TOP3A: variants seen among roughly 807,000 people sequenced by gnomAD.
TOP3A encodes DNA topoisomerase 3-alpha.
A neutral mutation model predicts 111.3 loss-of-function variants in TOP3A; 64 were observed. The ratio of observed to expected loss-of-function variants is 0.57; its 90% confidence interval spans 0.47 to 0.71. The LOEUF (loss-of-function observed/expected upper bound fraction) is 0.71. Among genes scored for constraint, TOP3A ranks in the 30% least tolerant of loss-of-function variants. TOP3A has a pLI of 0.00. For synonymous variants in TOP3A, 484 were observed against 485.1 expected, an observed-to-expected ratio of 1.00 and a Z score of 0.03; for missense variants, 1,104 against 1,285.0, an observed-to-expected ratio of 0.86 and a Z score of 2.15.
intron 9 of TOP3A, among the ~76,000 whole-genome samples, chr17:18,298,615 G>C (rs1981018951): frequency 6.6e-6 from 1 of 151,906 alleles, no homozygotes; most frequent in Non-Finnish European, 1.5e-5. Flanking sequence ...ATAGAAAGGG[G>C]GGAAGGGTGG....
chr17:18,304,634 ATT>A (rs907648664), intron 5 of TOP3A, among the ~76,000 whole-genome samples: 12 of 152,174 alleles, frequency 7.9e-5, no homozygotes, highest in Non-Finnish European at 1.3e-4. Flanking sequence ...TTTTATAATT[ATT>A]TTTTGTACTT....
intron 17 of TOP3A, among the ~76,000 whole-genome samples, chr17:18,278,873 G>A (rs1230617954): frequency 6.6e-6 from 1 of 152,182 alleles, no homozygotes; most frequent in Non-Finnish European, 1.5e-5. Context: ...AGCTACTCGG[G>A]AGGCTGAGGC....
Position 18,308,826 on chromosome 17 carries a change from C to T in TOP3A, c.240+56G>A, listed in dbSNP as rs1981742809. The T allele has an allele frequency of 2.5e-6, 3 of 1,195,872 alleles. No individual in the cohort carries two copies. The South Asian group carries it at 4.5e-5, about 18-fold the overall frequency. 74.1% of individuals were successfully genotyped at this position (1,195,872 alleles called of 1,614,324 possible). A position where few individuals can be genotyped will look rare whatever the true frequency, so the allele number is the denominator to read the frequency against. ...GCGACATATTCTACATATGACGAGG[C>T]TGACTACTTTCTCTTGCTTATGATT... is the stretch of plus-strand genomic sequence containing the variant. On this transcript the variant is annotated intron_variant, in intron 2 of 18. Transcript: ENST00000321105.
intron 18 of TOP3A, among the ~76,000 whole-genome samples, chr17:18,276,238 T>C (rs1313759513): frequency 1.2e-4 from 18 of 152,176 alleles, no homozygotes. Flanking sequence ...CCCACCTCCA[T>C]GCAGGAAAGT....
At chr17:18,291,894 A>G (rs907902842) in intron 11 of TOP3A, among the ~76,000 whole-genome samples, 3 of 152,040 alleles carry the variant, frequency 2.0e-5, no homozygotes, top group East Asian at 3.9e-4. Flanking sequence ...TTCTATTTCT[A>G]GTAGAGATGG....
intron 1 of TOP3A, among the ~76,000 whole-genome samples, chr17:18,311,346 T>G (rs764567883): frequency 5.3e-5 from 8 of 151,988 alleles, no homozygotes; most frequent in Non-Finnish European, 1.0e-4. Flanking sequence ...CAGGCTGTAA[T>G]GTAATGGCGC....
In TOP3A at chr17:18,282,783, C is replaced by G; in HGVS notation, c.1936G>C (p.Asp646His). 1.2e-6 allele frequency: 2 copies of G among 1,614,214 alleles called. No homozygotes were observed. The highest frequency in any genetic ancestry group is 1.7e-6 in the Non-Finnish European group (2 of 1,180,048). The stretch of plus-strand genomic sequence containing the variant: ...GGCTCTGGCATGGCTGGGTAGATAT[C>G]TTCTTGCTGGGCCAACTCTGTCCCA... ...GNGTELAQQEDIYPAMPEPIR... is the reference protein window; with the variant it reads ...GNGTELAQQEHIYPAMPEPIR... Residue 646 changes from aspartate (D) to histidine (H), a missense_variant, in exon 16 of 19, where the codon GAT becomes CAT. Physicochemically the swap from Asp to His is moderately conservative, Grantham distance 81. Coordinates refer to ENST00000321105, the MANE Select transcript of TOP3A (RefSeq NM_004618.5).
rs190965482 is a variant in TOP3A at position 18,282,733 on chromosome 17, G to A, written c.1986C>T (p.Asn662=). Reference sequence around the variant, plus strand: ...TCTTGGTCTTAAGGACCATGTCCTTGTTGCACTGTGGGCACTTCCTGATGG... The same window carrying A: ...TCTTGGTCTTAAGGACCATGTCCTTATTGCACTGTGGGCACTTCCTGATGG... ...PEPIRKCPQC[N]KDMVLKTKKN... The change falls in exon 16 of 19, where the codon AAC becomes AAT. Residue 662 remains asparagine (N), a synonymous_variant. Coordinates refer to ENST00000321105, the MANE Select transcript of TOP3A (RefSeq NM_004618.5). 4 of 1,614,064 alleles carry A rather than the reference G, an allele frequency of 2.5e-6. No individual in the cohort carries two copies. The East Asian group carries it at 8.9e-5, about 36-fold the overall frequency.
chr17:18,278,667 CCT>C (rs2142935361), intron 17 of TOP3A, among the ~76,000 whole-genome samples: 1 of 152,268 alleles, frequency 6.6e-6, no homozygotes, highest in East Asian at 1.9e-4. Context: ...GTGCCTGAGC[CCT>C]TTCAAGGAGA....
rs995454076 is a variant in TOP3A at position 18,290,864 on chromosome 17, G to A, written c.1445C>T (p.Pro482Leu). 2 of 1,614,066 alleles carry A rather than the reference G, an allele frequency of 1.2e-6. No individual in the cohort carries two copies. The highest frequency in any genetic ancestry group is 1.3e-5 in the African/African-American group (1 of 74,910). ...TACCTTGTCACTCCAGTGATCATAT[G>A]GATACACATCCAGATAGTTTCGGGC... ...ILARNYLDVY[P>L]YDHWSDKILP... is the part of the protein sequence containing the mutation. The change falls in exon 12 of 19, where the codon CCA (proline) becomes CTA (leucine). Residue 482 changes from proline (P) to leucine (L), a missense_variant. Physicochemically the swap from Pro to Leu is moderately conservative, Grantham distance 98. Transcript: ENST00000321105.
chr17:18,306,577 A>T (rs1041727665), intron 4 of TOP3A: 1 of 235,960 alleles, frequency 4.2e-6, no homozygotes, highest in African/African-American at 2.3e-5. Flanking sequence ...TATGTTGCCC[A>T]GGCTGGTCTC....
intron 12 of TOP3A, 72 bp downstream of exon 12, chr17:18,290,770 C>T: frequency 6.3e-7 from 1 of 1,589,038 alleles, no homozygotes; most frequent in East Asian, 2.2e-5. Context: ...GGAACATGAT[C>T]CTGCTCCACT....
intron 8 of TOP3A, among the ~76,000 whole-genome samples, chr17:18,300,501 C>T (rs1057146214): frequency 1.3e-5 from 2 of 151,992 alleles, no homozygotes; most frequent in African/African-American, 2.4e-5. Flanking sequence ...GCACCACATC[C>T]GAGTGAAGGA....
intron 15 of TOP3A, among the ~76,000 whole-genome samples, chr17:18,284,614 G>C (rs1979976275): frequency 6.6e-6 from 1 of 152,014 alleles, no homozygotes; most frequent in Admixed American, 6.6e-5. Flanking sequence ...TAATATCACA[G>C]GTAGAAAACA....
intron 9 of TOP3A, among the ~76,000 whole-genome samples, chr17:18,298,242 A>G (rs1980972406): frequency 2.1e-5 from 3 of 142,286 alleles, no homozygotes; most frequent in African/African-American, 8.1e-5. Flanking sequence ...GCGCCGTCTG[A>G]GAAGTGAGAA....
At chr17:18,297,614 G>C (rs1172995656) in intron 9 of TOP3A, among the ~76,000 whole-genome samples, 1 of 152,186 alleles carries the variant, frequency 6.6e-6, no homozygotes, top group African/African-American at 2.4e-5. Flanking sequence ...TGGTGGAGAC[G>C]GGGTTTCGCT....
intron 9 of TOP3A, among the ~76,000 whole-genome samples, chr17:18,296,691 TCC>T (rs1332429997): frequency 2.0e-5 from 3 of 152,208 alleles, no homozygotes; most frequent in Non-Finnish European, 4.4e-5. Flanking sequence ...TGACCACCAG[TCC>T]CTGTGTGCTT....
chr17:18,305,700 T>C (rs1216517323), intron 4 of TOP3A, among the ~76,000 whole-genome samples: 4 of 151,892 alleles, frequency 2.6e-5, no homozygotes, highest in African/African-American at 2.4e-5. Context: ...TAGCCGGGCA[T>C]GGTGGCAGGC....
chr17:18,292,531 T>G, intron 11 of TOP3A, 114 bp downstream of exon 11: 1 of 969,582 alleles, frequency 1.0e-6, no homozygotes. Context: ...ATGAGAGAGA[T>G]CTCAAAATCA....
Sources: allele counts gnomAD v4.1 joint callset (sites outside exome capture counted in the v4.1 genomes callset), GRCh38; gene constraint gnomAD v4.1.1; transcripts MANE v1.5; gene names NCBI Gene and HGNC (gene_info 2026-07-23, HGNC 2026-07-21).